The following LONP2 variants were observed in gnomAD, a reference collection of about 807,000 sequenced individuals.
LONP2 encodes the protein lon peptidase 2, peroxisomal, also known as lon protease homolog 2, peroxisomal.
A neutral mutation model predicts 85.6 loss-of-function variants in LONP2; 60 were observed. The observed-to-expected ratio is 0.70, with a 90% CI of 0.57 to 0.87. The LOEUF is 0.87. LONP2 is among the 40% of genes least tolerant of loss of function. The probability of loss-of-function intolerance (pLI) is 0.00; values close to 1 mark genes in which losing one functional copy is unlikely to be tolerated. For missense variants in LONP2, 860 were observed against 1,063.5 expected (o/e 0.81, Z 2.66); for synonymous variants, 395 against 389.7 (o/e 1.01, Z -0.16).
At chr16:48,271,221 C>G (rs1972096918) in intron 7 of LONP2, among the ~76,000 whole-genome samples, 1 of 152,114 alleles carries the variant, frequency 6.6e-6, no homozygotes, top group East Asian at 1.9e-4. Context: ...TCTGATTAAT[C>G]TGACATTATT....
intron 8 of LONP2, among the ~76,000 whole-genome samples, chr16:48,278,846 C>G (rs1355625165): frequency 6.6e-6 from 1 of 151,972 alleles, no homozygotes; most frequent in Admixed American, 6.6e-5. Flanking sequence ...TGACTTTTCC[C>G]CTTTATTTTT....
chr16:48,278,592 C>G (rs1488303697), intron 8 of LONP2, among the ~76,000 whole-genome samples: 1 of 152,122 alleles, frequency 6.6e-6, no homozygotes, highest in Non-Finnish European at 1.5e-5. Context: ...TTGTACTTTG[C>G]CTCCATTTTA....
At chr16:48,304,372 A>G (rs1008891420) in intron 11 of LONP2, among the ~76,000 whole-genome samples, 1 of 152,194 alleles carries the variant, frequency 6.6e-6, no homozygotes, top group African/African-American at 2.4e-5. Context: ...TATTACTGGA[A>G]TTAATCAAAT....
At chr16:48,280,290 T>C (rs1263751913) in intron 8 of LONP2, among the ~76,000 whole-genome samples, 1 of 152,212 alleles carries the variant, frequency 6.6e-6, no homozygotes, top group Non-Finnish European at 1.5e-5. Flanking sequence ...ACAGTTATCC[T>C]GTTGAAAATA....
intron 11 of LONP2, among the ~76,000 whole-genome samples, chr16:48,320,159 C>CA (rs80118943): frequency 0.13 from 7,065 of 55,782 alleles, 275 homozygotes; most frequent in Middle Eastern, 0.22. Context: ...GACTCTGTCT[C>CA]AAAAAAAAAA....
At chr16:48,328,097 G>T (rs1286059047) in intron 11 of LONP2, among the ~76,000 whole-genome samples, 1 of 151,988 alleles carries the variant, frequency 6.6e-6, no homozygotes, top group Non-Finnish European at 1.5e-5. Flanking sequence ...GGATCTGGGA[G>T]AATTTGCTAA....
chr16:48,270,392 T>TG (rs1972079465), intron 7 of LONP2, 118 bp downstream of exon 7: 2 of 1,115,442 alleles, frequency 1.8e-6, no homozygotes, highest in African/African-American at 3.1e-5. Flanking sequence ...GTGTGGTACC[T>TG]TGAATGAAAA....
chr16:48,325,215 C>A (rs1012459768), intron 11 of LONP2, among the ~76,000 whole-genome samples: 1 of 152,146 alleles, frequency 6.6e-6, no homozygotes, highest in African/African-American at 2.4e-5. Flanking sequence ...AATCTAATGC[C>A]GCTGCTGATC....
intron 13 of LONP2, 43 bp downstream of exon 13, chr16:48,347,757 G>GTA: frequency 6.4e-7 from 1 of 1,563,512 alleles, no homozygotes; most frequent in South Asian, 1.1e-5. Flanking sequence ...CCCAGGAGGC[G>GTA]GTACCTTCCA....
At chr16:48,307,881 T>G (rs1005550712) in intron 11 of LONP2, among the ~76,000 whole-genome samples, 10 of 152,102 alleles carry the variant, frequency 6.6e-5, no homozygotes, top group Non-Finnish European at 1.0e-4. Flanking sequence ...GCTTATAAGG[T>G]GAGACCTTAG....
chr16:48,256,779 A>C (rs1971769846), intron 3 of LONP2, 38 bp downstream of exon 3: 1 of 1,603,926 alleles, frequency 6.2e-7, no homozygotes. Context: ...TTGCTTTGTC[A>C]CTTTTTATTG....
chr16:48,265,357 AT>A (rs111761048), intron 6 of LONP2, among the ~76,000 whole-genome samples: 2,081 of 152,268 alleles, frequency 0.014, 47 homozygotes, highest in African/African-American at 0.047. Context: ...CAGGCCTTAC[AT>A]TTAAGTCTTT....
intron 14 of LONP2, among the ~76,000 whole-genome samples, chr16:48,348,725 C>G (rs1029750564): frequency 4.6e-5 from 7 of 152,094 alleles, no homozygotes; most frequent in Non-Finnish European, 1.0e-4. Flanking sequence ...AACTCCAGGT[C>G]TCATGCAGTC....
At chr16:48,311,116 G>T (rs1790728782) in intron 11 of LONP2, among the ~76,000 whole-genome samples, 1 of 152,126 alleles carries the variant, frequency 6.6e-6, no homozygotes, top group African/African-American at 2.4e-5. Flanking sequence ...ACAGCCTGAT[G>T]ACTAGATGCC....
chr16:48,358,811 C>CAT (rs1426341698), downstream of LONP2, among the ~76,000 whole-genome samples: 1 of 152,060 alleles, frequency 6.6e-6, no homozygotes, highest in East Asian at 1.9e-4. Context: ...AGAGGATGAG[C>CAT]ATATGTACAT....
At chr16:48,293,637 C>T (rs1035343186) in intron 8 of LONP2, among the ~76,000 whole-genome samples, 3 of 152,018 alleles carry the variant, frequency 2.0e-5, no homozygotes, top group Non-Finnish European at 2.9e-5. Context: ...GGGGGATTCT[C>T]ACTAGAAGGA....
intron 1 of LONP2, among the ~76,000 whole-genome samples, chr16:48,248,287 ATTTTTT>A (rs111725492): frequency 1.7e-5 from 2 of 116,562 alleles, no homozygotes; most frequent in Admixed American, 8.7e-5. Context: ...ATGCCTAGCT[ATTTTTT>A]TTTTTTTTTT....
chr16:48,351,623 G>C lies in LONP2; in HGVS notation c.2380G>C (p.Gly794Arg). Reference protein sequence around the residue: ...KDKVLAAHRAGLKQVIIPRRN... With the variant: ...KDKVLAAHRARLKQVIIPRRN... ...CAAAGTGCTGGCGGCACACAGAGCG[G>C]GACTGAAGCAAGTCATTATTCCTCG... The change falls in exon 15 of 15, where the codon GGA (glycine) becomes CGA (arginine). Residue 794 changes from glycine (G) to arginine (R), a missense_variant. This residue lies in a region of LONP2 where 115 missense variants were observed against 129.0 expected (regional missense o/e 0.89). Transcript: ENST00000285737. 2 of 1,613,956 alleles carry C rather than the reference G, an allele frequency of 1.2e-6. No individual in the cohort carries two copies. Among genetic ancestry groups the C allele is most frequent in the Non-Finnish European group, 1.7e-6 (2 of 1,179,972 alleles).
intron 11 of LONP2, among the ~76,000 whole-genome samples, chr16:48,304,997 C>T (rs1158500314): frequency 3.9e-5 from 6 of 152,170 alleles, no homozygotes; most frequent in East Asian, 1.9e-4. Flanking sequence ...TTCCATCAGT[C>T]GCTGAACACA....
Sources: allele counts gnomAD v4.1 joint callset (sites outside exome capture counted in the v4.1 genomes callset), GRCh38; gene constraint gnomAD v4.1.1; regional missense constraint gnomAD v4.1.1; transcripts MANE v1.5; gene names NCBI Gene and HGNC (gene_info 2026-07-23, HGNC 2026-07-21).